RBFOX1: variants seen among roughly 807,000 people sequenced by gnomAD.
The protein encoded by RBFOX1 is RNA binding fox-1 homolog 1.
A neutral mutation model predicts 57.7 loss-of-function variants in RBFOX1; 8 were observed. The ratio of observed to expected loss-of-function variants is 0.14; its 90% CI spans 0.08 to 0.25. RBFOX1 has a LOEUF of 0.25. Among genes scored for constraint, RBFOX1 ranks in the 10% least tolerant of loss-of-function variants. The probability of loss-of-function intolerance (pLI) is 1.00; values close to 1 mark genes in which losing one functional copy is unlikely to be tolerated. For missense variants in RBFOX1, 611 were observed against 548.5 expected, an observed-to-expected ratio of 1.11 and a Z score of -1.14; for synonymous variants, 326 against 222.4, an observed-to-expected ratio of 1.47 and a Z score of -4.15.
At chr16:6,924,620 G>A (rs117943286) in intron 3 of RBFOX1, among the ~76,000 whole-genome samples, 1 of 151,878 alleles carries the variant, frequency 6.6e-6, no homozygotes, top group Non-Finnish European at 1.5e-5. Context: ...ATAATGAGGT[G>A]CAAGTACCTA....
Position 6,742,463 on chromosome 16 carries a change from A to G in RBFOX1, c.-16+87813A>G, listed in dbSNP as rs560023755. Among the ~76,000 whole-genome samples, 9 of 152,328 alleles carry G rather than the reference A, an allele frequency of 5.9e-5. No individual in the cohort carries two copies. The East Asian group carries it at 1.5e-3, about 26-fold the overall frequency. ...ATAGACATTTACCAATGAGTCAACAATCACATTTCTGGACATTTATTCCAC... is the reference window on the plus strand; with the variant it reads ...ATAGACATTTACCAATGAGTCAACAGTCACATTTCTGGACATTTATTCCAC... On this transcript the variant is annotated intron_variant, in intron 3 of 15. Transcript: ENST00000550418.
At chr16:7,346,383 T>C (rs2097006982) in intron 4 of RBFOX1, among the ~76,000 whole-genome samples, 1 of 152,008 alleles carries the variant, frequency 6.6e-6, no homozygotes, top group African/African-American at 2.4e-5. Flanking sequence ...TATTTGGTTC[T>C]AGCAAGTAGG....
chr16:6,645,442 C>G (rs1412156666), intron 2 of RBFOX1, among the ~76,000 whole-genome samples: 1 of 152,164 alleles, frequency 6.6e-6, no homozygotes, highest in Non-Finnish European at 1.5e-5. Context: ...CCAGATACTT[C>G]AGAGCTGGGA....
intron 1 of RBFOX1, among the ~76,000 whole-genome samples, chr16:6,269,488 C>T (rs1316995730): frequency 2.0e-5 from 3 of 152,038 alleles, no homozygotes; most frequent in Non-Finnish European, 2.9e-5. Context: ...TTGGAAGTAA[C>T]GAGAGTAAAA....
chr16:6,178,488 C>A (rs182483759), intron 1 of RBFOX1, among the ~76,000 whole-genome samples: 57 of 152,116 alleles, frequency 3.7e-4, no homozygotes, highest in Admixed American at 1.2e-3. Context: ...CTGTTTCTGC[C>A]CATATCTGTA....
At chr16:5,894,384 G>C (rs1254197605) in intron 4 of RBFOX1, among the ~76,000 whole-genome samples, 1 of 152,142 alleles carries the variant, frequency 6.6e-6, no homozygotes, top group Non-Finnish European at 1.5e-5. Context: ...CTGGGTTCCA[G>C]TGATTCTCTT....
intron 4 of RBFOX1, among the ~76,000 whole-genome samples, chr16:5,902,538 C>A (rs1209877258): frequency 6.6e-6 from 1 of 152,126 alleles, no homozygotes; most frequent in East Asian, 1.9e-4. Context: ...GCGCCAGCCA[C>A]CCGAGTAGCT....
At chr16:7,377,007 G>C (rs1165839303) in intron 4 of RBFOX1, among the ~76,000 whole-genome samples, 1 of 152,130 alleles carries the variant, frequency 6.6e-6, no homozygotes, top group Non-Finnish European at 1.5e-5. Context: ...GAAAAGCAGT[G>C]ATTTCCATAG....
chr16:7,342,733 C>G (rs951338543), intron 4 of RBFOX1, among the ~76,000 whole-genome samples: 8 of 152,016 alleles, frequency 5.3e-5, no homozygotes, highest in Non-Finnish European at 8.8e-5. Context: ...GACATCTTGG[C>G]TCATGGCTCT....
At chr16:5,345,853 G>A (rs1421055953) in intron 1 of RBFOX1, among the ~76,000 whole-genome samples, 1 of 152,170 alleles carries the variant, frequency 6.6e-6, no homozygotes, top group Non-Finnish European at 1.5e-5. Flanking sequence ...CTGATGGCCC[G>A]TTAGTGGGCT....
chr16:5,396,678 C>A (rs1326412734), intron 1 of RBFOX1, among the ~76,000 whole-genome samples: 1 of 152,098 alleles, frequency 6.6e-6, no homozygotes, highest in Non-Finnish European at 1.5e-5. Context: ...GAGGAAAGAT[C>A]AAGATTCAAG....
chr16:5,898,977 C>T (rs749763484), intron 4 of RBFOX1, among the ~76,000 whole-genome samples: 17 of 150,976 alleles, frequency 1.1e-4, no homozygotes, highest in Non-Finnish European at 2.2e-4. Flanking sequence ...GTGAGAGGAT[C>T]ACTTGAGCCC....
chr16:7,131,878 G>A (rs1264580702), intron 4 of RBFOX1, among the ~76,000 whole-genome samples: 3 of 152,010 alleles, frequency 2.0e-5, no homozygotes, highest in Non-Finnish European at 4.4e-5. Flanking sequence ...GCACATCTTA[G>A]CTTCTAGGGG....
At chr16:5,596,735 C>T (rs993835529) in intron 2 of RBFOX1, among the ~76,000 whole-genome samples, 1 of 152,162 alleles carries the variant, frequency 6.6e-6, no homozygotes, top group Non-Finnish European at 1.5e-5. Flanking sequence ...TGACAAAAGC[C>T]AGACATTCTC....
intron 1 of RBFOX1, among the ~76,000 whole-genome samples, chr16:6,158,170 G>T (rs1250685464): frequency 6.6e-6 from 1 of 152,186 alleles, no homozygotes; most frequent in Non-Finnish European, 1.5e-5. Flanking sequence ...TAGTCACTAG[G>T]TATCAGACAC....
At chr16:6,621,663 T>A (rs2098234159) in intron 2 of RBFOX1, among the ~76,000 whole-genome samples, 1 of 152,162 alleles carries the variant, frequency 6.6e-6, no homozygotes, top group Admixed American at 6.6e-5. Context: ...CATATTACTG[T>A]ATCAACCCCA....
intron 2 of RBFOX1, among the ~76,000 whole-genome samples, chr16:6,562,832 T>TTTCTTTCTTTCTTTC (rs2097196363): frequency 1.3e-5 from 1 of 75,944 alleles, no homozygotes; most frequent in Non-Finnish European, 2.5e-5. Flanking sequence ...TTCTTGATTC[T>TTTCTTTCTTTCTTTC]TTTCTTTCTT....
intron 1 of RBFOX1, among the ~76,000 whole-genome samples, chr16:6,254,499 T>C (rs1567783708): frequency 1.3e-5 from 2 of 152,170 alleles, no homozygotes; most frequent in Non-Finnish European, 2.9e-5. Flanking sequence ...TAATAACCCT[T>C]GCTGAGTTTG....
chr16:6,855,671 T>G (rs1603632795), intron 3 of RBFOX1, among the ~76,000 whole-genome samples: 1 of 139,678 alleles, frequency 7.2e-6, no homozygotes, highest in South Asian at 2.3e-4. Flanking sequence ...AAAAAAAAGA[T>G]CTTTTAACTC....
Sources: allele counts gnomAD v4.1 joint callset (sites outside exome capture counted in the v4.1 genomes callset), GRCh38; gene constraint gnomAD v4.1.1; transcripts MANE v1.5; gene names NCBI Gene and HGNC (gene_info 2026-07-23, HGNC 2026-07-21).